SEMA5A: variants seen among roughly 807,000 people sequenced by gnomAD.
The protein encoded by SEMA5A is semaphorin 5A.
In SEMA5A, 55 loss-of-function variants were observed where a neutral mutation model predicts 135.5. The ratio of observed to expected loss-of-function variants is 0.41; its 90% CI spans 0.33 to 0.51. The LOEUF is 0.51. Ranked by LOEUF, SEMA5A falls within the 20% of genes least tolerant of loss-of-function variation. SEMA5A has a pLI of 0.37. For synonymous variants in SEMA5A, 580 were observed against 546.5 expected (o/e 1.06, Z -0.85); for missense variants, 1,290 against 1,419.9 (o/e 0.91, Z 1.47).
At chr5:9,122,276 T>A (rs1740852511) in intron 14 of SEMA5A, among the ~76,000 whole-genome samples, 1 of 152,184 alleles carries the variant, frequency 6.6e-6, no homozygotes, top group South Asian at 2.1e-4. Context: ...GTAGAGCAAG[T>A]CGATCAAGGA....
intron 1 of SEMA5A, among the ~76,000 whole-genome samples, chr5:9,449,872 G>A (rs1016852061): frequency 1.3e-5 from 2 of 152,136 alleles, no homozygotes; most frequent in African/African-American, 4.8e-5. Context: ...CTCCTCCAGA[G>A]GCTCTAGGCC....
chr5:9,271,259 T>C (rs1749959434), intron 5 of SEMA5A, among the ~76,000 whole-genome samples: 1 of 152,180 alleles, frequency 6.6e-6, no homozygotes, highest in Non-Finnish European at 1.5e-5. Flanking sequence ...GTAAGTTTCC[T>C]GAGGCCTCCA....
chr5:9,425,570 A>G (rs370709808), intron 2 of SEMA5A, among the ~76,000 whole-genome samples: 1 of 152,204 alleles, frequency 6.6e-6, no homozygotes, highest in African/African-American at 2.4e-5. Flanking sequence ...TTTCAGGGAC[A>G]CCATTTGTTT....
At chr5:9,344,010 T>C (rs995436688) in intron 3 of SEMA5A, among the ~76,000 whole-genome samples, 1 of 152,194 alleles carries the variant, frequency 6.6e-6, no homozygotes, top group Non-Finnish European at 1.5e-5. Flanking sequence ...AGCGTGTGAA[T>C]GCAAAACACG....
intron 3 of SEMA5A, among the ~76,000 whole-genome samples, chr5:9,341,307 A>C (rs776779681): frequency 6.6e-6 from 1 of 152,230 alleles, no homozygotes; most frequent in African/African-American, 2.4e-5. Context: ...AAAACCTATT[A>C]CTATAATTCA....
chr5:9,147,546 A>T (rs1742405167), intron 12 of SEMA5A, among the ~76,000 whole-genome samples: 1 of 152,116 alleles, frequency 6.6e-6, no homozygotes, highest in African/African-American at 2.4e-5. Flanking sequence ...CGGGGATTAT[A>T]GGAATGAGCC....
intron 12 of SEMA5A, among the ~76,000 whole-genome samples, chr5:9,139,448 T>C (rs1444603263): frequency 1.3e-5 from 2 of 152,198 alleles, no homozygotes; most frequent in African/African-American, 4.8e-5. Flanking sequence ...AGAAAGCTGG[T>C]ATATGAAAAA....
At chr5:9,435,547 C>T (rs903170436) in intron 2 of SEMA5A, among the ~76,000 whole-genome samples, 3 of 152,054 alleles carry the variant, frequency 2.0e-5, no homozygotes, top group African/African-American at 4.8e-5. Context: ...TAATTAAAAT[C>T]CAAGCATCCA....
intron 10 of SEMA5A, among the ~76,000 whole-genome samples, chr5:9,190,909 AG>A (rs1384562430): frequency 6.6e-6 from 1 of 152,228 alleles, no homozygotes; most frequent in Non-Finnish European, 1.5e-5. Flanking sequence ...CTACTGCAGC[AG>A]GGGGTCTGTA....
chr5:9,479,285 C>T (rs1261242225), intron 1 of SEMA5A, among the ~76,000 whole-genome samples: 2 of 151,786 alleles, frequency 1.3e-5, no homozygotes, highest in Non-Finnish European at 2.9e-5. Context: ...ACTCAGGAGG[C>T]TGAAGCAGGA....
chr5:9,169,475 G>A lies in SEMA5A; in HGVS notation c.1274-14780C>T, dbSNP rs937187304. 3.9e-5 allele frequency among the ~76,000 whole-genome samples: 6 copies of A among 152,258 alleles called. No individual in the cohort carries two copies. The East Asian group carries it at 5.8e-4, about 15-fold the overall frequency. On this transcript the variant is annotated intron_variant, in intron 11 of 22. Transcript: ENST00000382496. The stretch of plus-strand genomic sequence containing the variant: ...TGGATGATAGCCACGGCATGTAAAC[G>A]TGTCACACCCTTGTTTAGTACTTAC...
intron 2 of SEMA5A, among the ~76,000 whole-genome samples, chr5:9,437,039 T>A (rs1758057352): frequency 6.6e-6 from 1 of 152,074 alleles, no homozygotes; most frequent in Non-Finnish European, 1.5e-5. Flanking sequence ...CCTGAGAGTA[T>A]CATGAGAGGT....
chr5:9,542,579 C>T (rs958181858), intron 1 of SEMA5A, among the ~76,000 whole-genome samples: 2 of 152,158 alleles, frequency 1.3e-5, no homozygotes. Context: ...TTATTTAACA[C>T]ATAAAAACTT....
At chr5:9,066,251 C>T (rs1367070941) in intron 17 of SEMA5A, among the ~76,000 whole-genome samples, 170 bp downstream of exon 17, 2 of 152,198 alleles carry the variant, frequency 1.3e-5, no homozygotes, top group East Asian at 3.9e-4. Flanking sequence ...AGGCTCCTTT[C>T]TTTCAATTTG....
chr5:9,416,259 G>A (rs774568964), intron 2 of SEMA5A, among the ~76,000 whole-genome samples: 12 of 152,162 alleles, frequency 7.9e-5, no homozygotes, highest in Admixed American at 3.3e-4. Context: ...GTACATAAAT[G>A]AGGAGAAAAA....
chr5:9,402,090 G>A (rs1249047532), intron 2 of SEMA5A, among the ~76,000 whole-genome samples: 1 of 152,086 alleles, frequency 6.6e-6, no homozygotes, highest in Non-Finnish European at 1.5e-5. Context: ...ATACTTCTTT[G>A]GCCCATCTAT....
chr5:9,118,947 A>G (rs761462850), intron 15 of SEMA5A, 51 bp downstream of exon 15: 2 of 1,591,802 alleles, frequency 1.3e-6, no homozygotes, highest in East Asian at 4.5e-5. Context: ...ACCTGGCCGG[A>G]ATGAGAGTAA....
rs983124206 is a variant in SEMA5A, at chr5:9,154,554, A to T, written c.1415T>A (p.Phe472Tyr). The T allele has an allele frequency of 3.1e-6, 5 of 1,613,176 alleles. No individual in the cohort carries two copies. Among genetic ancestry groups the T allele is most frequent in the Non-Finnish European group, 4.2e-6 (5 of 1,179,966 alleles). Residue 472 changes from phenylalanine to tyrosine, a missense_variant, in exon 12 of 23, where the codon TTC becomes TAC. Transcript: ENST00000382496. ...GACCACGTGCTCCCGCAGGCCCACG[A>T]ACAGGACACTCTGGCTGTGCAGGAT... Reference protein sequence around the residue: ...LQILHSQSVLFVGLREHVVKI... With the variant: ...LQILHSQSVLYVGLREHVVKI...
chr5:9,378,931 ATT>A (rs72220629), intron 3 of SEMA5A, among the ~76,000 whole-genome samples: 2 of 151,408 alleles, frequency 1.3e-5, no homozygotes, highest in African/African-American at 4.9e-5. Context: ...AAATTATTTG[ATT>A]TTTTTTTAAT....
Sources: allele counts gnomAD v4.1 joint callset (sites outside exome capture counted in the v4.1 genomes callset), GRCh38; gene constraint gnomAD v4.1.1; transcripts MANE v1.5; gene names NCBI Gene and HGNC (gene_info 2026-07-23, HGNC 2026-07-21).